The following CDC42BPA variants were observed in gnomAD, a reference collection of about 807,000 sequenced individuals.
CDC42BPA encodes the protein serine/threonine-protein kinase MRCK alpha.
CDC42BPA carries 80 observed loss-of-function variants against 223.5 expected under a neutral mutation model. The observed-to-expected ratio is 0.36, with a 90% CI of 0.30 to 0.43. The LOEUF is 0.43. Among genes scored for constraint, CDC42BPA ranks in the 20% least tolerant of loss-of-function variants. CDC42BPA has a pLI of 1.00. For synonymous variants in CDC42BPA, 694 were observed against 718.6 expected, an observed-to-expected ratio of 0.97 and a Z score of 0.55; for missense variants, 1,743 against 2,099.9, an observed-to-expected ratio of 0.83 and a Z score of 3.32.
rs1673615111 is a variant in CDC42BPA at position 227,051,977 on chromosome 1, G to A, written c.2913C>T (p.Pro971=). The change falls in exon 22 of 37, where the codon CCC becomes CCT. Residue 971 remains proline, a synonymous_variant. Transcript: ENST00000366766. The part of the protein sequence containing the change: ...TDALDQFETD[P]VENTYVWNPS... The stretch of plus-strand genomic sequence containing the variant: ...GGTTCCATACATATGTGTTCTCAAC[G>A]GGATCAGTCTAGGAAAATAAGTCGG... 3 of 1,365,282 alleles carry A rather than the reference G, an allele frequency of 2.2e-6. No individual in the cohort carries two copies. The highest frequency in any genetic ancestry group is 1.9e-5 in the Admixed American group (1 of 52,514). 84.6% of individuals were successfully genotyped at this position (1,365,282 alleles called of 1,614,324 possible).
chr1:227,009,846 A>C (rs1333660775), intron 34 of CDC42BPA, among the ~76,000 whole-genome samples: 1 of 152,196 alleles, frequency 6.6e-6, no homozygotes, highest in Non-Finnish European at 1.5e-5. Context: ...TAATAATTTA[A>C]ATGTCAGTAA....
intron 1 of CDC42BPA, among the ~76,000 whole-genome samples, chr1:227,308,352 A>C (rs1180598980): frequency 6.6e-6 from 1 of 152,030 alleles, no homozygotes; most frequent in Non-Finnish European, 1.5e-5. Flanking sequence ...CTAAAATACA[A>C]GAAAAAAATT....
chr1:226,992,926 A>G lies in CDC42BPA; in HGVS notation c.*1342T>C, dbSNP rs914863102. 1 of 152,158 alleles carries G rather than the reference A, an allele frequency of 6.6e-6. No homozygotes were observed. The highest frequency in any genetic ancestry group is 2.4e-5 in the African/African-American group (1 of 41,428). 9.4% of individuals were successfully genotyped at this position (152,158 alleles called of 1,614,324 possible). A position where few individuals can be genotyped will look rare whatever the true frequency, so the allele number is the denominator to read the frequency against. On this transcript the variant is annotated 3_prime_UTR_variant, in exon 37 of 37. Coordinates refer to ENST00000366766, the MANE Select transcript of CDC42BPA (RefSeq NM_001394014.1). ...CCAGTCGGAGCGCCGTGCTGGGCTCACTCACTCTGGCCTGCGCACTGGGGT... is the reference window on the plus strand; with the variant it reads ...CCAGTCGGAGCGCCGTGCTGGGCTCGCTCACTCTGGCCTGCGCACTGGGGT...
intron 14 of CDC42BPA, among the ~76,000 whole-genome samples, chr1:227,110,638 T>A (rs951231913): frequency 5.3e-5 from 8 of 152,188 alleles, no homozygotes; most frequent in African/African-American, 1.7e-4. Context: ...ATTATTCTTA[T>A]CATCCAAAGC....
chr1:227,265,630 T>TA lies in CDC42BPA; in HGVS notation c.179-11476dup, dbSNP rs77731029. On this transcript the variant is annotated intron_variant, in intron 1 of 36. Coordinates refer to ENST00000366766, the MANE Select transcript of CDC42BPA (RefSeq NM_001394014.1). ...GTGACGACAGAGCGAGACTCCGTCT[T>TA]AAAAAAAAAAAAAAAAGATTCAAAA... Among the ~76,000 whole-genome samples the TA allele has an allele frequency of 8.6e-3, 1,146 of 133,082 alleles. 6 individuals carry two copies. Among genetic ancestry groups the TA allele is most frequent in the African/African-American group, 0.019 (688 of 36,206 alleles). The allele number at this position is 133,082 out of a possible 152,430, so 87.3% of individuals were successfully genotyped here. A position where few individuals can be genotyped will look rare whatever the true frequency, so the allele number is the denominator to read the frequency against.
At chr1:227,163,211 T>A (rs1419305536) in intron 5 of CDC42BPA, among the ~76,000 whole-genome samples, 2 of 152,064 alleles carry the variant, frequency 1.3e-5, no homozygotes, top group African/African-American at 4.8e-5. Flanking sequence ...CATATATATG[T>A]GTGTGTATAT....
chr1:227,295,155 T>C (rs1336209991), intron 1 of CDC42BPA, among the ~76,000 whole-genome samples: 2 of 152,070 alleles, frequency 1.3e-5, no homozygotes, highest in Non-Finnish European at 2.9e-5. Flanking sequence ...AAATTCACAA[T>C]ACATATATAT....
chr1:227,225,599 T>C (rs1304022351), intron 2 of CDC42BPA, among the ~76,000 whole-genome samples: 2 of 152,170 alleles, frequency 1.3e-5, no homozygotes, highest in Non-Finnish European at 2.9e-5. Context: ...ATCTCCCCAT[T>C]AGAACAATAA....
chr1:227,238,971 G>A (rs61207897), intron 2 of CDC42BPA, among the ~76,000 whole-genome samples: 20 of 152,252 alleles, frequency 1.3e-4, no homozygotes, highest in Admixed American at 5.9e-4. Flanking sequence ...TGCATCAACC[G>A]TCTAGAGCTA....
chr1:227,123,612 G>T (rs1275454160), intron 11 of CDC42BPA, among the ~76,000 whole-genome samples: 1 of 152,188 alleles, frequency 6.6e-6, no homozygotes, highest in Admixed American at 6.5e-5. Flanking sequence ...AAATGGGCAT[G>T]ATTAAAGCAG....
chr1:227,103,996 G>A (rs961056745), intron 14 of CDC42BPA, among the ~76,000 whole-genome samples: 1 of 152,072 alleles, frequency 6.6e-6, no homozygotes. Context: ...AGGGATACAT[G>A]ATAAATTGGT....
At chr1:227,022,725 C>T (rs1324206746) in intron 32 of CDC42BPA, among the ~76,000 whole-genome samples, 1 of 152,096 alleles carries the variant, frequency 6.6e-6, no homozygotes, top group African/African-American at 2.4e-5. Context: ...ATATTTTGGT[C>T]ACTGACCAAA....
At chr1:227,076,398 T>A (rs1274028054) in intron 17 of CDC42BPA, among the ~76,000 whole-genome samples, 1 of 152,018 alleles carries the variant, frequency 6.6e-6, no homozygotes, top group Admixed American at 6.5e-5. Flanking sequence ...CTGGGATTAC[T>A]GGCACATGCC....
chr1:227,074,375 TAAAGAC>T lies in CDC42BPA; in HGVS notation c.2481-17_2481-12del. 6.3e-7 allele frequency: 1 copy of T among 1,591,350 alleles called. No individual in the cohort carries two copies. The highest frequency in any genetic ancestry group is 8.6e-7 in the Non-Finnish European group (1 of 1,164,978). On this transcript the variant is annotated splice_polypyrimidine_tract_variant and intron_variant, in intron 17 of 36. Transcript: ENST00000366766. ...TTTTCATCGCTGACCCTAGAATATATAAAGACAAAGTACAAAAGTAAAACAAAAAAG... is the reference window on the plus strand; with the variant it reads ...TTTTCATCGCTGACCCTAGAATATATAAAGTACAAAAGTAAAACAAAAAAG...
chr1:227,168,770 T>C (rs1435969750), intron 5 of CDC42BPA, among the ~76,000 whole-genome samples: 1 of 152,144 alleles, frequency 6.6e-6, no homozygotes, highest in Admixed American at 6.5e-5. Context: ...GTGCTAGGAT[T>C]ACAGGCGTGA....
intron 6 of CDC42BPA, among the ~76,000 whole-genome samples, chr1:227,148,160 A>T (rs1661028828): frequency 6.6e-6 from 1 of 152,182 alleles, no homozygotes; most frequent in East Asian, 1.9e-4. Context: ...TTAATTAGAA[A>T]ACAGGTAATT....
Position 227,012,282 on chromosome 1 carries a change from G to A in CDC42BPA, c.4857+3798C>T, listed in dbSNP as rs542841507. Among the ~76,000 whole-genome samples, 24 of 152,226 alleles carry A rather than the reference G, an allele frequency of 1.6e-4. No homozygotes were observed. The South Asian group carries it at 4.4e-3, about 28-fold the overall frequency. On this transcript the variant is annotated intron_variant, in intron 34 of 36. Coordinates refer to ENST00000366766, the MANE Select transcript of CDC42BPA (RefSeq NM_001394014.1). ...TTGCATCCAAATTAGAGAAAAATTTGTTCTTTATCACAAATAGCAACCATG... is the reference window on the plus strand; with the variant it reads ...TTGCATCCAAATTAGAGAAAAATTTATTCTTTATCACAAATAGCAACCATG...
chr1:227,177,840 G>A (rs193211469), intron 5 of CDC42BPA, among the ~76,000 whole-genome samples: 1 of 151,892 alleles, frequency 6.6e-6, no homozygotes, highest in East Asian at 1.9e-4. Context: ...CAATCTTTTT[G>A]TCTGTTTTTC....
chr1:227,121,144 A>C (rs688718), intron 11 of CDC42BPA, among the ~76,000 whole-genome samples: 126,271 of 152,106 alleles, frequency 0.83, 52,464 homozygotes, highest in East Asian at 0.88. Context: ...GCTCTAAGTA[A>C]CATCCCCAGA....
Sources: allele counts gnomAD v4.1 joint callset (sites outside exome capture counted in the v4.1 genomes callset), GRCh38; gene constraint gnomAD v4.1.1; transcripts MANE v1.5; gene names NCBI Gene and HGNC (gene_info 2026-07-23, HGNC 2026-07-21).